C1GALT1: variants seen among roughly 807,000 people sequenced by gnomAD.
C1GALT1 encodes core 1 synthase, glycoprotein-N-acetylgalactosamine 3-beta-galactosyltransferase 1.
A neutral mutation model predicts 31.0 loss-of-function variants in C1GALT1; 11 were observed. The ratio of observed to expected loss-of-function variants is 0.36; its 90% CI spans 0.22 to 0.59. The LOEUF (loss-of-function observed/expected upper bound fraction) is 0.59, where lower values mean the gene tolerates loss of function less well. C1GALT1 is among the 20% of genes least tolerant of loss of function. The pLI, the probability that C1GALT1 is intolerant of heterozygous loss-of-function variation, is 0.79. For missense variants in C1GALT1, 424 were observed against 425.2 expected, an observed-to-expected ratio of 1.00 and a Z score of 0.03; for synonymous variants, 175 against 143.6, an observed-to-expected ratio of 1.22 and a Z score of -1.56.
In C1GALT1 at chr7:7,246,456, G is replaced by C. The variant is rs563912033; in HGVS notation, c.*2729G>C. 1 of 152,256 alleles carries C rather than the reference G, an allele frequency of 6.6e-6. No individual in the cohort carries two copies. Among genetic ancestry groups the C allele is most frequent in the African/African-American group, 2.4e-5 (1 of 41,544 alleles). The allele number at this position is 152,256 out of a possible 1,614,324, so 9.4% of individuals were successfully genotyped here. Reference sequence around the variant, plus strand: ...AACTGTGGTTCTCACACTTGCCCAGGATGTTGTTAAATGCAGATCTGAAGA... The same window carrying C: ...AACTGTGGTTCTCACACTTGCCCAGCATGTTGTTAAATGCAGATCTGAAGA... On this transcript the variant is annotated 3_prime_UTR_variant, in exon 4 of 4. Transcript: ENST00000436587.
At chr7:7,192,412 T>G (rs1781113733) in intron 1 of C1GALT1, among the ~76,000 whole-genome samples, 1 of 152,118 alleles carries the variant, frequency 6.6e-6, no homozygotes, top group Non-Finnish European at 1.5e-5. Flanking sequence ...CATTCCTGAG[T>G]TACTTTACTT....
Position 7,241,650 on chromosome 7 carries a change from GACTTA to G in C1GALT1, c.889-1869_889-1865del, listed in dbSNP as rs1783635104. On this transcript the variant is annotated intron_variant, in intron 3 of 3. Transcript: ENST00000436587. Reference sequence around the variant, plus strand: ...TTACTGTTCTACTTGGGCTTTTAAAGACTTAACTTTTTACTGATATATATGAAAAC... The same window carrying G: ...TTACTGTTCTACTTGGGCTTTTAAAGACTTTTTACTGATATATATGAAAAC... 2.0e-5 allele frequency among the ~76,000 whole-genome samples: 3 copies of G among 151,998 alleles called. No individual in the cohort carries two copies. The South Asian group carries it at 6.2e-4, about 32-fold the overall frequency.
Position 7,243,510 on chromosome 7 carries a change from CACT to C in C1GALT1, c.889-10_889-8del, listed in dbSNP as rs1247740231. 6.4e-7 allele frequency: 1 copy of C among 1,573,202 alleles called. No individual in the cohort carries two copies. The highest frequency in any genetic ancestry group is 8.6e-7 in the Non-Finnish European group (1 of 1,163,378). ...GCTGTTTATTAACAATACCTGTTTC[CACT>C]ACTTTTTTAGGGTCCTGGTTGCTGC... On this transcript the variant is annotated splice_polypyrimidine_tract_variant and intron_variant, in intron 3 of 3. Transcript: ENST00000436587.
At chr7:7,158,295 G>C (rs1780295697) in intron 2 of C1GALT1, among the ~76,000 whole-genome samples, 2 of 152,074 alleles carry the variant, frequency 1.3e-5, no homozygotes, top group African/African-American at 4.8e-5. Context: ...ACCTGACTCT[G>C]TTCTGTCTAA....
At chr7:7,224,319 CTTGA>C (rs1782653429) in intron 1 of C1GALT1, among the ~76,000 whole-genome samples, 1 of 150,312 alleles carries the variant, frequency 6.7e-6, no homozygotes, top group Admixed American at 6.6e-5. Flanking sequence ...GTAATATGAA[CTTGA>C]TAAAATGAAT....
intron 1 of C1GALT1, among the ~76,000 whole-genome samples, chr7:7,215,866 G>T (rs758777808): frequency 2.6e-5 from 4 of 151,974 alleles, no homozygotes; most frequent in Non-Finnish European, 5.9e-5. Context: ...ACCTATTTCG[G>T]GTCATTAGAA....
intron 2 of C1GALT1, among the ~76,000 whole-genome samples, chr7:7,160,459 A>G (rs1335645022): frequency 6.6e-6 from 1 of 152,140 alleles, no homozygotes; most frequent in Non-Finnish European, 1.5e-5. Context: ...GTTGATGTAG[A>G]ACAGGCGGGA....
chr7:7,177,663 C>T (rs1175441331), upstream of C1GALT1, among the ~76,000 whole-genome samples: 1 of 152,156 alleles, frequency 6.6e-6, no homozygotes, highest in African/African-American at 2.4e-5. Flanking sequence ...AAACTGCTTG[C>T]TATGAATGAT....
rs545674882 is a variant in C1GALT1, at chr7:7,189,957, G to C, written c.-18+7137G>C. On this transcript the variant is annotated intron_variant, in intron 1 of 3. Coordinates refer to ENST00000436587, the MANE Select transcript of C1GALT1 (RefSeq NM_020156.5). ...CACCTTTTTCTTGATTTGAAATGCTGTTTATTATGTATTAAATTTCCACAT... is the reference window on the plus strand; with the variant it reads ...CACCTTTTTCTTGATTTGAAATGCTCTTTATTATGTATTAAATTTCCACAT... 5.3e-5 allele frequency among the ~76,000 whole-genome samples: 8 copies of C among 151,974 alleles called. No individual in the cohort carries two copies. The South Asian group carries it at 1.7e-3, about 32-fold the overall frequency.
At chr7:7,224,267 G>GT (rs1782649431) in intron 1 of C1GALT1, among the ~76,000 whole-genome samples, 4 of 139,966 alleles carry the variant, frequency 2.9e-5, no homozygotes, top group African/African-American at 1.3e-4. Context: ...AGTTTTTTTT[G>GT]GTTTTTTTTT....
intron 1 of C1GALT1, among the ~76,000 whole-genome samples, chr7:7,220,697 T>C (rs1420332805): frequency 6.6e-6 from 1 of 150,820 alleles, no homozygotes; most frequent in Non-Finnish European, 1.5e-5. Flanking sequence ...GATTTTTGTA[T>C]TTTTAGTAGA....
chr7:7,207,604 C>G (rs1781807310), intron 1 of C1GALT1, among the ~76,000 whole-genome samples: 1 of 151,884 alleles, frequency 6.6e-6, no homozygotes, highest in Admixed American at 6.6e-5. Flanking sequence ...TTTAACAGAT[C>G]TACCATCGGG....
chr7:7,163,109 C>T (rs1333768714), intron 2 of C1GALT1, among the ~76,000 whole-genome samples: 1 of 152,124 alleles, frequency 6.6e-6, no homozygotes, highest in Non-Finnish European at 1.5e-5. Context: ...TGCAGAAGCT[C>T]TTTAGTTTAA....
intron 1 of C1GALT1, among the ~76,000 whole-genome samples, chr7:7,223,451 C>T (rs1418383791): frequency 1.3e-5 from 2 of 152,230 alleles, no homozygotes; most frequent in African/African-American, 4.8e-5. Flanking sequence ...GTGTGAACCA[C>T]AGTGCCTGGC....
intron 1 of C1GALT1, among the ~76,000 whole-genome samples, chr7:7,220,523 A>G (rs1237995683): frequency 6.8e-6 from 1 of 146,182 alleles, no homozygotes; most frequent in East Asian, 2.1e-4. Context: ...AAGTATCTTT[A>G]TTCTTTTTTT....
chr7:7,176,072 T>C (rs1780503619), intron 2 of C1GALT1, among the ~76,000 whole-genome samples: 1 of 152,196 alleles, frequency 6.6e-6, no homozygotes, highest in East Asian at 1.9e-4. Context: ...CCTTACATTA[T>C]ACATCTCTTC....
At chr7:7,214,970 T>C (rs1454592672) in intron 1 of C1GALT1, among the ~76,000 whole-genome samples, 1 of 152,174 alleles carries the variant, frequency 6.6e-6, no homozygotes. Context: ...TTGTAAACCC[T>C]GCCTCTGATG....
chr7:7,239,563 A>G (rs1003764624), intron 3 of C1GALT1, among the ~76,000 whole-genome samples: 2 of 152,176 alleles, frequency 1.3e-5, no homozygotes, highest in African/African-American at 4.8e-5. Context: ...CCTCATTTGT[A>G]AGATGGACAT....
chr7:7,227,576 C>G (rs377462348), intron 1 of C1GALT1, among the ~76,000 whole-genome samples: 1 of 151,872 alleles, frequency 6.6e-6, no homozygotes, highest in African/African-American at 2.4e-5. Context: ...AAAAATTAGC[C>G]GGGCGTAGTG....
Sources: allele counts gnomAD v4.1 joint callset (sites outside exome capture counted in the v4.1 genomes callset), GRCh38; gene constraint gnomAD v4.1.1; transcripts MANE v1.5; gene names NCBI Gene and HGNC (gene_info 2026-07-23, HGNC 2026-07-21).